RPS6KA2: variants seen among roughly 807,000 people sequenced by gnomAD.
The protein encoded by RPS6KA2 is ribosomal protein S6 kinase alpha-2.
Under a neutral mutation model 91.8 loss-of-function variants are expected in RPS6KA2, and 42 were observed. The observed-to-expected ratio is 0.46, with a 90% CI of 0.36 to 0.59. The LOEUF is 0.59. RPS6KA2 is among the 20% of genes least tolerant of loss of function. The pLI is 0.00. For synonymous variants in RPS6KA2, 414 were observed against 393.6 expected (o/e 1.05, Z -0.61); for missense variants, 798 against 978.5 (o/e 0.82, Z 2.46).
rs1781727413 is a variant in RPS6KA2, at chr6:166,494,819, A to G, written c.747+3689T>C. 6.6e-6 allele frequency among the ~76,000 whole-genome samples: 1 copy of G among 152,190 alleles called. No homozygotes were observed. The highest frequency in any genetic ancestry group is 1.5e-5 in the Non-Finnish European group (1 of 68,030). On this transcript the variant is annotated intron_variant, in intron 8 of 20. Transcript: ENST00000265678. This position sits in a 1 kb window ranked among gnomAD's most constrained non-coding sequence, Gnocchi z 5.1. ...ACCTCCAGGGGACGGACGGCCACCC[A>G]CACATGAGGACCACTCCCTCAGCAC...
At position 166,437,179 on chromosome 6, in the gene RPS6KA2, G is replaced by A. The variant is rs769774225; in HGVS notation, c.1333-4689C>T. Among the ~76,000 whole-genome samples the A allele has an allele frequency of 6.6e-6, 1 of 152,102 alleles. No homozygotes were observed. Among genetic ancestry groups the A allele is most frequent in the Non-Finnish European group, 1.5e-5 (1 of 68,022 alleles). ...CCTGGATCTGCTGCGGGCAGCCGGGGTTTGGACACACTGTTTAGGAGCACC... is the reference window on the plus strand; with the variant it reads ...CCTGGATCTGCTGCGGGCAGCCGGGATTTGGACACACTGTTTAGGAGCACC... On this transcript the variant is annotated intron_variant, in intron 14 of 20. Coordinates refer to ENST00000265678, the MANE Select transcript of RPS6KA2 (RefSeq NM_021135.6). This position sits in a 1 kb window ranked among gnomAD's most constrained non-coding sequence, Gnocchi z 4.3.
chr6:166,623,762 T>C (rs1786732068), intron 1 of RPS6KA2, among the ~76,000 whole-genome samples: 1 of 152,202 alleles, frequency 6.6e-6, no homozygotes, highest in African/African-American at 2.4e-5. Flanking sequence ...GGCACACCCA[T>C]GGAAGTCTAT....
chr6:166,440,383 T>C (rs1779481868), intron 14 of RPS6KA2: 1 of 152,192 alleles, frequency 6.6e-6, no homozygotes, highest in Non-Finnish European at 1.5e-5. Context: ...GCCAATCACA[T>C]TAAGCCTTTC....
At chr6:166,839,996 T>C (rs922757295) in intron 2 of RPS6KA2, among the ~76,000 whole-genome samples, 1 of 151,798 alleles carries the variant, frequency 6.6e-6, no homozygotes, top group Non-Finnish European at 1.5e-5. Context: ...TTATTCCATA[T>C]ATATATATGT....
In RPS6KA2 at chr6:166,852,438, T is replaced by C. The variant is rs1780768641; in HGVS notation, c.123+5762A>G. On this transcript the variant is annotated intron_variant, in intron 2 of 21. Transcript: ENST00000503859. The surrounding 1 kb of genome is among the most constrained non-coding windows in gnomAD (Gnocchi z 4.1). Reference sequence around the variant, plus strand: ...GTTTAGATTGTTTTTCTTTCTGTTTTTTTATGAGGAACAATGGAATTCTGT... The same window carrying C: ...GTTTAGATTGTTTTTCTTTCTGTTTCTTTATGAGGAACAATGGAATTCTGT... 6.6e-6 allele frequency among the ~76,000 whole-genome samples: 1 copy of C among 152,214 alleles called. No individual in the cohort carries two copies. The highest frequency in any genetic ancestry group is 2.4e-5 in the African/African-American group (1 of 41,454).
At chr6:166,531,579 T>TA (rs1783278240) in intron 2 of RPS6KA2, among the ~76,000 whole-genome samples, 1 of 152,180 alleles carries the variant, frequency 6.6e-6, no homozygotes, top group East Asian at 1.9e-4. Flanking sequence ...ATGCCAGAAA[T>TA]AATACCGCCC....
intron 1 of RPS6KA2, among the ~76,000 whole-genome samples, chr6:166,590,520 A>G (rs3778383): frequency 0.085 from 12,967 of 152,240 alleles, 690 homozygotes; most frequent in East Asian, 0.25. Context: ...CCAGACATGC[A>G]GCAGCACAAT....
intron 2 of RPS6KA2, among the ~76,000 whole-genome samples, chr6:166,692,335 CT>C (rs1207911106): frequency 6.6e-6 from 1 of 152,140 alleles, no homozygotes; most frequent in Non-Finnish European, 1.5e-5. Context: ...AAATCGCCCC[CT>C]ACTGAATATA....
rs953122340 is a variant in RPS6KA2, at chr6:166,445,375, C to T, written c.1332+3349G>A. Among the ~76,000 whole-genome samples, 1 of 152,238 alleles carries T rather than the reference C, an allele frequency of 6.6e-6. No homozygotes were observed. Among genetic ancestry groups the T allele is most frequent in the African/African-American group, 2.4e-5 (1 of 41,468 alleles). On this transcript the variant is annotated intron_variant, in intron 14 of 20. Coordinates refer to ENST00000265678, the MANE Select transcript of RPS6KA2 (RefSeq NM_021135.6). This position sits in a 1 kb window ranked among gnomAD's most constrained non-coding sequence, Gnocchi z 4.5. The stretch of plus-strand genomic sequence containing the variant: ...AAAATATCAACCTCCTGGCCTTTAT[C>T]TACATGAGACCTGCTCTCACCCACA...
intron 2 of RPS6KA2, among the ~76,000 whole-genome samples, chr6:166,797,860 G>C (rs572372229): frequency 3.3e-5 from 5 of 152,068 alleles, no homozygotes; most frequent in African/African-American, 1.2e-4. Context: ...GTAACCGCCG[G>C]GTCCAGACAG....
intron 2 of RPS6KA2, among the ~76,000 whole-genome samples, chr6:166,797,914 G>C (rs193148167): frequency 6.6e-6 from 1 of 152,102 alleles, no homozygotes; most frequent in Non-Finnish European, 1.5e-5. Context: ...GGAGGTAAAA[G>C]AATCAAACCT....
Position 166,673,555 on chromosome 6 carries a change from C to G in RPS6KA2, c.124-134771G>C, listed in dbSNP as rs543944940. On this transcript the variant is annotated intron_variant, in intron 2 of 21. Transcript: ENST00000503859. ...GGCCCTGAGCCCATGGGGCCAGCTG[C>G]TATTTGATGGATGGAGGGTCCACAT... Among the ~76,000 whole-genome samples the G allele has an allele frequency of 2.6e-5, 4 of 152,282 alleles. No individual in the cohort carries two copies. The East Asian group carries it at 7.7e-4, about 29-fold the overall frequency.
At chr6:166,432,816 A>G (rs1191933435) in intron 14 of RPS6KA2, among the ~76,000 whole-genome samples, 1 of 152,074 alleles carries the variant, frequency 6.6e-6, no homozygotes, top group African/African-American at 2.4e-5. Context: ...CTAACATGAC[A>G]AAACCTGGTC....
intron 8 of RPS6KA2, among the ~76,000 whole-genome samples, chr6:166,496,836 A>C (rs949473850): frequency 2.0e-5 from 3 of 152,100 alleles, no homozygotes; most frequent in Non-Finnish European, 4.4e-5. Context: ...TAAGAACTGG[A>C]ATCTCTCCTG....
In RPS6KA2 at chr6:166,779,896, T is replaced by C. The variant is rs958661585; in HGVS notation, c.123+78304A>G. 1.4e-4 allele frequency among the ~76,000 whole-genome samples: 21 copies of C among 152,144 alleles called. 1 individual carries two copies. Among genetic ancestry groups the C allele is most frequent in the Admixed American group, 1.3e-3 (20 of 15,278 alleles). On this transcript the variant is annotated intron_variant, in intron 2 of 21. Coordinates refer to the RPS6KA2 transcript ENST00000503859. ...CCCTCAGCTCGCTAGAGACAACCAA[T>C]GCTCTCAGTGGCAAACACTGGGGTG...
intron 2 of RPS6KA2, among the ~76,000 whole-genome samples, chr6:166,676,339 C>T (rs1201528501): frequency 6.6e-6 from 1 of 151,280 alleles, no homozygotes; most frequent in Non-Finnish European, 1.5e-5. Context: ...AAAAAAATGT[C>T]CTGGGAGGTG....
At chr6:166,507,415 AC>A (rs1782273365) in intron 5 of RPS6KA2, among the ~76,000 whole-genome samples, 1 of 150,024 alleles carries the variant, frequency 6.7e-6, no homozygotes. Flanking sequence ...CATAGCACAC[AC>A]CACACATACC....
At chr6:166,843,164 G>A (rs9459774) in intron 2 of RPS6KA2, among the ~76,000 whole-genome samples, 31,717 of 151,914 alleles carry the variant, frequency 0.21, 3,512 homozygotes, top group East Asian at 0.36. Context: ...GGCCCCCTGC[G>A]AACATAGCTC....
chr6:166,701,641 G>A lies in RPS6KA2; in HGVS notation c.123+156559C>T, dbSNP rs79682448. On this transcript the variant is annotated intron_variant, in intron 2 of 21. Transcript: ENST00000503859. ...GGATTCTGATTGCTCAGACTGCGGG[G>A]AGGGAGGAGTCATGGCTGAAGGGGG... 2.0e-3 allele frequency: 2,578 copies of A among 1,295,484 alleles called. 2 individuals carry two copies. The highest frequency in any genetic ancestry group is 2.6e-3 in the Non-Finnish European group (2,305 of 893,902). The allele number at this position is 1,295,484 out of a possible 1,614,324, so 80.2% of individuals were successfully genotyped here.
Sources: allele counts gnomAD v4.1 joint callset (sites outside exome capture counted in the v4.1 genomes callset), GRCh38; gene constraint gnomAD v4.1.1; non-coding constraint Gnocchi (gnomAD v3.1); transcripts MANE v1.5; gene names NCBI Gene and HGNC (gene_info 2026-07-23, HGNC 2026-07-21).